The following TAF1A variants were observed in gnomAD, a reference collection of about 807,000 sequenced individuals.
The protein encoded by TAF1A is TATA-box binding protein associated factor, RNA polymerase I subunit A.
In TAF1A, 42 loss-of-function variants were observed where a neutral mutation model predicts 61.6. That is an observed-to-expected ratio of 0.68 (90% CI 0.53 to 0.88). The LOEUF is 0.88. Ranked by LOEUF, TAF1A falls within the 40% of genes least tolerant of loss-of-function variation. The pLI, the probability that TAF1A is intolerant of heterozygous loss-of-function variation, is 0.00. For synonymous variants in TAF1A, 179 were observed against 177.7 expected (o/e 1.01, Z -0.06); for missense variants, 424 against 518.7 (o/e 0.82, Z 1.77).
chr1:222,587,183 A>C lies in TAF1A; in HGVS notation c.121+1260T>G, dbSNP rs186732797. On this transcript the variant is annotated intron_variant, in intron 2 of 10. Transcript: ENST00000352967. ...TTAATCTAGCAAAAATAAAATGAGGAGAGGAAAGGCACTATTATTTTTCAA... is the reference window on the plus strand; with the variant it reads ...TTAATCTAGCAAAAATAAAATGAGGCGAGGAAAGGCACTATTATTTTTCAA... Among the ~76,000 whole-genome samples, 4 of 152,338 alleles carry C rather than the reference A, an allele frequency of 2.6e-5. No individual in the cohort carries two copies. The East Asian group carries it at 7.7e-4, about 29-fold the overall frequency.
intron 9 of TAF1A, 35 bp downstream of exon 9, chr1:222,563,138 T>G (rs776696422): frequency 6.6e-7 from 1 of 1,521,456 alleles, no homozygotes; most frequent in East Asian, 2.3e-5. Context: ...ATATTATTTA[T>G]GATGACCTAG....
At chr1:222,585,640 A>G (rs934192096) in intron 2 of TAF1A, among the ~76,000 whole-genome samples, 3 of 152,124 alleles carry the variant, frequency 2.0e-5, no homozygotes, top group African/African-American at 7.2e-5. Flanking sequence ...CGTTATATTG[A>G]TCAGCTGTGT....
intron 7 of TAF1A, among the ~76,000 whole-genome samples, chr1:222,564,458 C>T (rs1033080287): frequency 2.6e-5 from 4 of 151,380 alleles, no homozygotes; most frequent in Non-Finnish European, 4.4e-5. Context: ...CTTTCAGAAG[C>T]CAGGACTGAA....
intron 6 of TAF1A, 71 bp from the exon 7 acceptor site, chr1:222,569,739 T>C: frequency 1.5e-6 from 2 of 1,372,152 alleles, no homozygotes; most frequent in Non-Finnish European, 2.0e-6. Flanking sequence ...ATACACAGCA[T>C]AAGTTTACTG....
intron 8 of TAF1A, 136 bp from the exon 9 acceptor site, chr1:222,563,432 C>T: frequency 1.0e-6 from 1 of 996,942 alleles, no homozygotes; most frequent in Non-Finnish European, 1.4e-6. Flanking sequence ...CATAAGCCTT[C>T]TGGTTAACAG....
chr1:222,585,363 G>T (rs2102681838), intron 2 of TAF1A, among the ~76,000 whole-genome samples: 1 of 149,056 alleles, frequency 6.7e-6, no homozygotes, highest in South Asian at 2.1e-4. Context: ...AAAAATAGCA[G>T]AATCAATGCT....
At chr1:222,557,725 G>T (rs1454587753), downstream of TAF1A, among the ~76,000 whole-genome samples, 1 of 151,908 alleles carries the variant, frequency 6.6e-6, no homozygotes, top group East Asian at 1.9e-4. Flanking sequence ...CACCAAAAAA[G>T]CCGAGCCCTT....
chr1:222,554,302 T>C (rs1659704064), downstream of TAF1A, among the ~76,000 whole-genome samples: 2 of 152,244 alleles, frequency 1.3e-5, no homozygotes, highest in Admixed American at 1.3e-4. Context: ...GAGCCGCCTC[T>C]ACTCACTGAG....
chr1:222,575,826 G>A (rs939233820), intron 5 of TAF1A, among the ~76,000 whole-genome samples: 1 of 152,156 alleles, frequency 6.6e-6, no homozygotes, highest in Non-Finnish European at 1.5e-5. Flanking sequence ...GAAAGGTACT[G>A]AACCATCTAT....
chr1:222,569,077 G>C (rs767039487), intron 7 of TAF1A: 34 of 223,660 alleles, frequency 1.5e-4, no homozygotes, highest in Non-Finnish European at 1.0e-4. Context: ...TGGGGCCATG[G>C]TTGTGGGGAC....
At chr1:222,588,391 A>C in intron 2 of TAF1A, 52 bp downstream of exon 2, 2 of 1,592,228 alleles carry the variant, frequency 1.3e-6, no homozygotes, top group Non-Finnish European at 1.7e-6. Flanking sequence ...TCCCTATTGA[A>C]TCTTACCACC....
chr1:222,588,426 G>T lies in TAF1A; in HGVS notation c.121+17C>A. On this transcript the variant is annotated intron_variant, in intron 2 of 10. Transcript: ENST00000352967. Reference sequence around the variant, plus strand: ...CTCCTTAAAGTTAAAATGGCTCAATGTTATTATTTTACTTACCCACAGTTT... The same window carrying T: ...CTCCTTAAAGTTAAAATGGCTCAATTTTATTATTTTACTTACCCACAGTTT... 1 of 1,610,058 alleles carries T rather than the reference G, an allele frequency of 6.2e-7. No individual in the cohort carries two copies. Among genetic ancestry groups the T allele is most frequent in the Non-Finnish European group, 8.5e-7 (1 of 1,178,648 alleles).
intron 8 of TAF1A, 118 bp downstream of exon 8, chr1:222,563,941 C>G: frequency 1.5e-6 from 1 of 664,720 alleles, no homozygotes. Flanking sequence ...TGGACTCCAA[C>G]AGAACTTGAT....
rs1309342761 is a variant in TAF1A, at chr1:222,563,216, C to T, written c.1042G>A (p.Ala348Thr). 3 of 1,612,490 alleles carry T rather than the reference C, an allele frequency of 1.9e-6. No homozygotes were observed. The highest frequency in any genetic ancestry group is 1.3e-5 in the African/African-American group (1 of 74,820). Reference protein sequence around the residue: ...DFAGCTKNITAWKYLAKYLKN... With the variant: ...DFAGCTKNITTWKYLAKYLKN... The stretch of plus-strand genomic sequence containing the variant: ...AGATATTTTGCCAAGTATTTCCAAG[C>T]AGTTATATTCTTAGTGCATCCGGCA... Residue 348 changes from alanine (A) to threonine (T), a missense_variant, in exon 9 of 11, where the codon GCT becomes ACT. Coordinates refer to ENST00000352967, the MANE Select transcript of TAF1A (RefSeq NM_005681.4).
rs1558143506 is a variant in TAF1A, at chr1:222,566,431, A to G, written c.895-2306T>C. On this transcript the variant is annotated intron_variant, in intron 7 of 10. Transcript: ENST00000352967. The stretch of plus-strand genomic sequence containing the variant: ...ACTTTACATTTATTGTGCACTTTAT[A>G]TTATTACATTATAATATATAATGAA... 2.0e-5 allele frequency among the ~76,000 whole-genome samples: 3 copies of G among 152,320 alleles called. No individual in the cohort carries two copies. The South Asian group carries it at 6.2e-4, about 32-fold the overall frequency.
intron 2 of TAF1A, among the ~76,000 whole-genome samples, chr1:222,584,816 C>G (rs1305758398): frequency 3.9e-5 from 6 of 152,110 alleles, no homozygotes; most frequent in African/African-American, 1.4e-4. Flanking sequence ...TATTGGCAAT[C>G]CCAATGTTAA....
At chr1:222,568,359 T>C (rs1660204825) in intron 7 of TAF1A, among the ~76,000 whole-genome samples, 1 of 151,950 alleles carries the variant, frequency 6.6e-6, no homozygotes, top group Non-Finnish European at 1.5e-5. Flanking sequence ...AGAGAGAAAA[T>C]ATTCATAATT....
intron 2 of TAF1A, among the ~76,000 whole-genome samples, chr1:222,585,290 C>T (rs1660964848): frequency 6.6e-6 from 1 of 152,014 alleles, no homozygotes; most frequent in Non-Finnish European, 1.5e-5. Context: ...TATAATTAAA[C>T]TCCATTCACT....
chr1:222,588,761 A>C (rs1661129418), intron 1 of TAF1A, among the ~76,000 whole-genome samples, 196 bp from the exon 2 acceptor site: 1 of 152,236 alleles, frequency 6.6e-6, no homozygotes, highest in Non-Finnish European at 1.5e-5. Context: ...TCCATTAAAG[A>C]CCGAACCACT....
Sources: allele counts gnomAD v4.1 joint callset (sites outside exome capture counted in the v4.1 genomes callset), GRCh38; gene constraint gnomAD v4.1.1; transcripts MANE v1.5; gene names NCBI Gene and HGNC (gene_info 2026-07-23, HGNC 2026-07-21).